The following POLA1 variants were observed in gnomAD, a reference collection of about 807,000 sequenced individuals.
POLA1 encodes DNA polymerase alpha 1, catalytic subunit.
Under a neutral mutation model 124.0 loss-of-function variants are expected in POLA1, and 15 were observed. The ratio of observed to expected loss-of-function variants is 0.12; its 90% confidence interval spans 0.08 to 0.19. POLA1 has a LOEUF of 0.19. Ranked by LOEUF, POLA1 falls within the 10% of genes least tolerant of loss-of-function variation. The pLI, the probability that POLA1 is intolerant of heterozygous loss-of-function variation, is 1.00. For synonymous variants in POLA1, 408 were observed against 389.4 expected (o/e 1.05, Z -0.56); for missense variants, 886 against 1,103.4 (o/e 0.80, Z 2.79).
At chrX:24,974,545 A>G (rs2048342879) in intron 36 of POLA1, among the ~76,000 whole-genome samples, 1 of 110,416 alleles carries the variant, frequency 9.1e-6, no homozygotes, top group Admixed American at 9.7e-5. Flanking sequence ...CAGCAAACTA[A>G]CACAGGAACA....
At chrX:24,957,509 C>G (rs887922527) in intron 36 of POLA1, among the ~76,000 whole-genome samples, 22 of 111,049 alleles carry the variant, frequency 2.0e-4, no homozygotes, top group African/African-American at 7.2e-4. Flanking sequence ...CCCCATGTAC[C>G]ACGCTCAAGG....
chrX:24,902,004 GCACACACA>G (rs781587090), intron 35 of POLA1, among the ~76,000 whole-genome samples: 3 of 104,965 alleles, frequency 2.9e-5, no homozygotes, highest in South Asian at 4.0e-4. Flanking sequence ...GCATGTGCGT[GCACACACA>G]CACACACACA....
intron 26 of POLA1, among the ~76,000 whole-genome samples, chrX:24,786,571 C>G (rs894837369): frequency 9.2e-6 from 1 of 108,613 alleles, no homozygotes; most frequent in African/African-American, 3.4e-5. Flanking sequence ...TCCAGTGGCA[C>G]AATCATAGCT....
chrX:24,949,822 C>T, intron 36 of POLA1, among the ~76,000 whole-genome samples: 1 of 107,607 alleles, frequency 9.3e-6, no homozygotes, highest in Non-Finnish European at 1.9e-5. Context: ...GCAACCTCCA[C>T]CTCCCGGGTT....
At chrX:24,827,355 G>C (rs1489620835) in intron 32 of POLA1, among the ~76,000 whole-genome samples, 1 of 112,326 alleles carries the variant, frequency 8.9e-6, no homozygotes, top group African/African-American at 3.2e-5. Context: ...TCTCTTCTGT[G>C]GTAAGCAAAG....
chrX:24,696,207 C>G (rs1208567377), intron 1 of POLA1, among the ~76,000 whole-genome samples: 1 of 112,539 alleles, frequency 8.9e-6, no homozygotes, highest in Non-Finnish European at 1.9e-5. Context: ...GAGCCCCTAT[C>G]TGTAAGCTGC....
intron 26 of POLA1, among the ~76,000 whole-genome samples, chrX:24,794,068 C>T (rs2045562886): frequency 1.8e-5 from 2 of 111,073 alleles, no homozygotes; most frequent in South Asian, 3.9e-4. Flanking sequence ...CCTCCACCTC[C>T]CGGGTTCAAA....
chrX:24,769,355 C>T (rs1307552506), intron 26 of POLA1, among the ~76,000 whole-genome samples: 2 of 111,286 alleles, frequency 1.8e-5, no homozygotes, highest in East Asian at 5.6e-4. Flanking sequence ...TATTCTGCTG[C>T]CTGTAGTCTT....
At chrX:24,954,620 C>G (rs2048085245) in intron 36 of POLA1, among the ~76,000 whole-genome samples, 1 of 112,292 alleles carries the variant, frequency 8.9e-6, no homozygotes, top group African/African-American at 3.2e-5. Flanking sequence ...TGTTAGATAT[C>G]TGATTTATGG....
intron 35 of POLA1, among the ~76,000 whole-genome samples, chrX:24,893,080 G>A (rs2047162823): frequency 8.9e-6 from 1 of 112,153 alleles, no homozygotes; most frequent in African/African-American, 3.2e-5. Context: ...GATTTGATGA[G>A]TAGGTTAGGG....
At chrX:24,709,060 G>C (rs1219017735) in intron 4 of POLA1, among the ~76,000 whole-genome samples, 2 of 89,038 alleles carry the variant, frequency 2.2e-5, no homozygotes, top group African/African-American at 7.7e-5. Context: ...CTGGCCGGGC[G>C]GGGGGCTGAC....
rs747643918 is a variant in POLA1, at chrX:24,868,400, T to C, written c.4048-19606T>C. Among the ~76,000 whole-genome samples the C allele has an allele frequency of 2.7e-5, 3 of 111,869 alleles. No homozygotes were observed. The South Asian group carries it at 1.1e-3, about 42-fold the overall frequency. Reference sequence around the variant, plus strand: ...TAAAATATTTCATAAACTGCTCGGGTAGCCAGAGTATTCTTGTATCACTGT... The same window carrying C: ...TAAAATATTTCATAAACTGCTCGGGCAGCCAGAGTATTCTTGTATCACTGT... On this transcript the variant is annotated intron_variant, in intron 34 of 36. Transcript: ENST00000379068.
chrX:24,905,984 A>G (rs890509613), intron 35 of POLA1, among the ~76,000 whole-genome samples: 1 of 112,565 alleles, frequency 8.9e-6, no homozygotes, highest in African/African-American at 3.2e-5. Context: ...AAGGATGGCC[A>G]TAATTTAAAA....
intron 36 of POLA1, among the ~76,000 whole-genome samples, chrX:24,991,857 A>G (rs988449672): frequency 2.7e-5 from 3 of 112,730 alleles, no homozygotes; most frequent in Non-Finnish European, 3.7e-5. Flanking sequence ...CTTCAGAAAT[A>G]TTTTAGCATC....
At chrX:24,983,296 GTATT>G (rs2048443068) in intron 36 of POLA1, among the ~76,000 whole-genome samples, 1 of 112,122 alleles carries the variant, frequency 8.9e-6, no homozygotes, top group Non-Finnish European at 1.9e-5. Context: ...GAATTGTAGT[GTATT>G]TACTTATTTG....
In POLA1 at chrX:24,843,618, G is replaced by C. The variant is rs1490421877; in HGVS notation, c.3988G>C (p.Val1330Leu). 8.5e-7 allele frequency: 1 copy of C among 1,182,581 alleles called. No homozygotes were observed. Among genetic ancestry groups the C allele is most frequent in the Admixed American group, 2.2e-5 (1 of 44,898 alleles). Residue 1330 changes from valine to leucine, a missense_variant, in exon 34 of 37, where the codon GTA (valine) becomes CTA (leucine). Coordinates refer to ENST00000379068, the MANE Select transcript of POLA1 (RefSeq NM_001330360.2). ...TAAGGCTTCACCTCTGACCTTTACA[G>C]TACAACTGAGCAACAAATTGATCAT... ...DCKASPLTFT[V>L]QLSNKLIMDI... is the part of the protein sequence containing the mutation.
chrX:24,931,727 C>A (rs778315910), intron 36 of POLA1, among the ~76,000 whole-genome samples: 1 of 112,030 alleles, frequency 8.9e-6, no homozygotes, highest in East Asian at 2.8e-4. Flanking sequence ...ATGTCTAGCC[C>A]ATATATACTT....
At chrX:24,779,681 C>T (rs1312847740) in intron 26 of POLA1, among the ~76,000 whole-genome samples, 1 of 111,769 alleles carries the variant, frequency 8.9e-6, no homozygotes, top group African/African-American at 3.3e-5. Flanking sequence ...CTAGTTTTAC[C>T]ATGAGCCAGG....
At chrX:24,895,686 T>G (rs1027963510) in intron 35 of POLA1, among the ~76,000 whole-genome samples, 3 of 112,179 alleles carry the variant, frequency 2.7e-5, no homozygotes, top group African/African-American at 9.7e-5. Context: ...ACTGTTCCAT[T>G]GTGGGATTTT....
Sources: allele counts gnomAD v4.1 joint callset (sites outside exome capture counted in the v4.1 genomes callset), GRCh38; gene constraint gnomAD v4.1.1; transcripts MANE v1.5; gene names NCBI Gene and HGNC (gene_info 2026-07-23, HGNC 2026-07-21).